CTNNA2: variants seen among roughly 807,000 people sequenced by gnomAD.
CTNNA2 encodes the protein catenin alpha 2, also known as catenin alpha-2.
A neutral mutation model predicts 101.0 loss-of-function variants in CTNNA2; 42 were observed. The ratio of observed to expected loss-of-function variants is 0.42; its 90% CI spans 0.32 to 0.54. The LOEUF (loss-of-function observed/expected upper bound fraction) is 0.54, where lower values mean the gene tolerates loss of function less well. Among genes scored for constraint, CTNNA2 ranks in the 20% least tolerant of loss-of-function variants. CTNNA2 has a pLI of 0.14. For synonymous variants in CTNNA2, 450 were observed against 456.4 expected (o/e 0.99, Z 0.18); for missense variants, 871 against 1,223.1 (o/e 0.71, Z 4.29).
At chr2:80,047,648 C>T (rs1696616219) in intron 7 of CTNNA2, among the ~76,000 whole-genome samples, 1 of 152,120 alleles carries the variant, frequency 6.6e-6, no homozygotes, top group African/African-American at 2.4e-5. Flanking sequence ...TGCAGAGACC[C>T]TTTTGAAGGG....
intron 4 of CTNNA2, among the ~76,000 whole-genome samples, chr2:79,376,630 C>G (rs1481675126): frequency 6.6e-6 from 1 of 152,112 alleles, no homozygotes; most frequent in East Asian, 1.9e-4. Context: ...TGCTATCCCT[C>G]TCCCCTCCCC....
intron 4 of CTNNA2, among the ~76,000 whole-genome samples, chr2:79,456,625 T>C (rs1243205134): frequency 6.6e-6 from 1 of 152,236 alleles, no homozygotes; most frequent in African/African-American, 2.4e-5. Context: ...ATTTTGTGTG[T>C]ATTTTATAAC....
At chr2:80,492,596 A>T (rs973835283) in intron 9 of CTNNA2, among the ~76,000 whole-genome samples, 2 of 152,208 alleles carry the variant, frequency 1.3e-5, no homozygotes, top group African/African-American at 4.8e-5. Flanking sequence ...TCAACTTGAC[A>T]TACAGAGCCT....
chr2:80,311,069 A>G (rs1573678504), intron 7 of CTNNA2, among the ~76,000 whole-genome samples: 1 of 152,056 alleles, frequency 6.6e-6, no homozygotes, highest in Admixed American at 6.5e-5. Context: ...GAGATGAACT[A>G]TTAAGTTTTG....
chr2:79,550,007 C>T (rs1435748548), intron 1 of CTNNA2, among the ~76,000 whole-genome samples: 1 of 152,112 alleles, frequency 6.6e-6, no homozygotes, highest in East Asian at 1.9e-4. Context: ...CTAGTGGACC[C>T]ACTATGAGCC....
rs532274653 is a variant in CTNNA2 at position 80,158,664 on chromosome 2, C to G, written c.1057-234547C>G. 5.8e-4 allele frequency among the ~76,000 whole-genome samples: 88 copies of G among 152,288 alleles called. 2 individuals carry two copies. The highest frequency in any genetic ancestry group is 2.3e-3 in the Admixed American group (35 of 15,302). ...GTGGCTTACGCCTGTAATCCCAATA[C>G]TTTGGGAGGCTGAAGCAGGCAGATC... On this transcript the variant is annotated intron_variant, in intron 7 of 18. Coordinates refer to ENST00000402739, the MANE Select transcript of CTNNA2 (RefSeq NM_001282597.3).
At chr2:80,565,084 T>C (rs1005406855) in intron 12 of CTNNA2, among the ~76,000 whole-genome samples, 1 of 152,114 alleles carries the variant, frequency 6.6e-6, no homozygotes, top group African/African-American at 2.4e-5. Context: ...AAGGAAATAG[T>C]TTCAAGAGAA....
At chr2:80,559,873 C>CTATATCT (rs1558586877) in intron 12 of CTNNA2, among the ~76,000 whole-genome samples, 9 of 110,606 alleles carry the variant, frequency 8.1e-5, no homozygotes, top group African/African-American at 3.2e-4. Flanking sequence ...TCAGCGATAT[C>CTATATCT]ATATTTATAT....
At chr2:79,348,117 T>C (rs1271206185) in intron 3 of CTNNA2, among the ~76,000 whole-genome samples, 3 of 152,146 alleles carry the variant, frequency 2.0e-5, no homozygotes, top group East Asian at 1.9e-4. Context: ...ATGGACCCCA[T>C]TGCTAGAACC....
At chr2:79,633,284 C>A (rs2104371627) in intron 1 of CTNNA2, among the ~76,000 whole-genome samples, 1 of 152,270 alleles carries the variant, frequency 6.6e-6, no homozygotes, top group Middle Eastern at 3.4e-3. Flanking sequence ...CAGATAGATG[C>A]AACAGTGTCA....
intron 7 of CTNNA2, among the ~76,000 whole-genome samples, chr2:79,926,846 G>A (rs988546566): frequency 6.6e-6 from 1 of 151,848 alleles, no homozygotes; most frequent in African/African-American, 2.4e-5. Flanking sequence ...GGTCTTAAAT[G>A]TTGTAAGCCT....
chr2:79,284,563 T>G (rs1431850942), intron 2 of CTNNA2, among the ~76,000 whole-genome samples: 1 of 151,408 alleles, frequency 6.6e-6, no homozygotes, highest in Non-Finnish European at 1.5e-5. Flanking sequence ...GGATTACATT[T>G]ATTGATTTGC....
At chr2:80,285,369 C>T (rs764490376) in intron 7 of CTNNA2, among the ~76,000 whole-genome samples, 2 of 152,224 alleles carry the variant, frequency 1.3e-5, no homozygotes, top group Non-Finnish European at 2.9e-5. Context: ...GGACTACCCA[C>T]ATTCTCACTG....
At chr2:80,409,055 A>C (rs536854659) in intron 8 of CTNNA2, among the ~76,000 whole-genome samples, 29 of 152,324 alleles carry the variant, frequency 1.9e-4, no homozygotes, top group African/African-American at 6.7e-4. Context: ...ATTAAAAATA[A>C]GCAGCCAGAA....
chr2:79,724,647 C>G (rs940073974), intron 2 of CTNNA2, among the ~76,000 whole-genome samples: 4 of 151,810 alleles, frequency 2.6e-5, no homozygotes, highest in Non-Finnish European at 5.9e-5. Context: ...AACCCTGTCT[C>G]TACTAAAAAT....
intron 1 of CTNNA2, among the ~76,000 whole-genome samples, chr2:79,196,236 G>T (rs1432237199): frequency 7.9e-5 from 12 of 152,154 alleles, no homozygotes; most frequent in Admixed American, 7.9e-4. Flanking sequence ...CCAGCCTGAA[G>T]TCAGTTTTAA....
Position 80,572,142 on chromosome 2 carries a change from T to A in CTNNA2, c.1742-2021T>A, listed in dbSNP as rs116145661. On this transcript the variant is annotated intron_variant, in intron 12 of 18. Transcript: ENST00000402739. ...CCCATCTGTAGTAGAAGGGTACCAT[T>A]GTGTCTGCATGCTCAATATGATTAA... is the stretch of plus-strand genomic sequence containing the variant. Among the ~76,000 whole-genome samples, 259 of 152,270 alleles carry A rather than the reference T, an allele frequency of 1.7e-3. 5 individuals are homozygous for A. The highest frequency in any genetic ancestry group is 2.7e-3 in the East Asian group (14 of 5,176).
chr2:80,594,157 TTC>T (rs747275642), intron 15 of CTNNA2, among the ~76,000 whole-genome samples: 46 of 152,124 alleles, frequency 3.0e-4, no homozygotes, highest in Non-Finnish European at 5.1e-4. Flanking sequence ...AAAACTTGTT[TTC>T]TGTTTTTTTC....
chr2:79,676,155 G>A (rs1003593644), intron 2 of CTNNA2, among the ~76,000 whole-genome samples: 1 of 152,174 alleles, frequency 6.6e-6, no homozygotes, highest in African/African-American at 2.4e-5. Context: ...TCCCTCTCCT[G>A]GAAGGCTGGG....
Sources: allele counts gnomAD v4.1 joint callset (sites outside exome capture counted in the v4.1 genomes callset), GRCh38; gene constraint gnomAD v4.1.1; transcripts MANE v1.5; gene names NCBI Gene and HGNC (gene_info 2026-07-23, HGNC 2026-07-21).